The following GRIP1 variants were observed in gnomAD, a reference collection of about 807,000 sequenced individuals.
GRIP1 encodes glutamate receptor interacting protein 1.
GRIP1 carries 45 observed loss-of-function variants against 129.9 expected under a neutral mutation model. The observed-to-expected ratio is 0.35, with a 90% CI of 0.27 to 0.44. The LOEUF (loss-of-function observed/expected upper bound fraction) is 0.44. Among genes scored for constraint, GRIP1 ranks in the 20% least tolerant of loss-of-function variants. GRIP1 has a pLI of 1.00. For missense variants in GRIP1, 1,196 were observed against 1,396.8 expected (o/e 0.86, Z 2.29); for synonymous variants, 530 against 520.8 (o/e 1.02, Z -0.24).
At chr12:66,685,513 T>A (rs1020172647) in intron 1 of GRIP1, among the ~76,000 whole-genome samples, 6 of 152,122 alleles carry the variant, frequency 3.9e-5, no homozygotes, top group African/African-American at 1.4e-4. Flanking sequence ...TTAAAAAGAT[T>A]AATTTTCAAT....
chr12:66,794,932 C>CAATA, intron 1 of GRIP1, among the ~76,000 whole-genome samples: 1 of 152,226 alleles, frequency 6.6e-6, no homozygotes. Flanking sequence ...AATTCTACTT[C>CAATA]AATAATGAAA....
intron 4 of GRIP1, among the ~76,000 whole-genome samples, chr12:66,534,733 GC>G (rs2061557765): frequency 6.6e-6 from 1 of 151,416 alleles, no homozygotes; most frequent in South Asian, 2.1e-4. Context: ...TTGCTCTGTT[GC>G]CCAGGCTGGA....
At chr12:66,399,585 C>T (rs544793600) in intron 16 of GRIP1, among the ~76,000 whole-genome samples, 1 of 152,090 alleles carries the variant, frequency 6.6e-6, no homozygotes, top group Non-Finnish European at 1.5e-5. Context: ...GGCAAGCCTA[C>T]TTGTTTGTTC....
At chr12:66,792,472 G>A (rs1273114818) in intron 1 of GRIP1, among the ~76,000 whole-genome samples, 4 of 152,102 alleles carry the variant, frequency 2.6e-5, no homozygotes, top group Non-Finnish European at 4.4e-5. Flanking sequence ...CACTTTGGGA[G>A]GCCGAGGGGT....
intron 1 of GRIP1, among the ~76,000 whole-genome samples, chr12:66,999,931 T>G (rs1175627009): frequency 6.6e-6 from 1 of 152,164 alleles, no homozygotes; most frequent in African/African-American, 2.4e-5. Flanking sequence ...CACGCTGTTC[T>G]CCTTTCAAAG....
chr12:66,578,638 C>T lies in GRIP1; in HGVS notation c.136+18209G>A, dbSNP rs551455889. Among the ~76,000 whole-genome samples, 7 of 151,820 alleles carry T rather than the reference C, an allele frequency of 4.6e-5. No individual in the cohort carries two copies. The East Asian group carries it at 5.8e-4, about 13-fold the overall frequency. On this transcript the variant is annotated intron_variant, in intron 2 of 24. Transcript: ENST00000359742. Reference sequence around the variant, plus strand: ...CCTGGCTCAGAGGGTCCTATGCCCACGGAGTCTCGCTGATTGCTAGCACAG... The same window carrying T: ...CCTGGCTCAGAGGGTCCTATGCCCATGGAGTCTCGCTGATTGCTAGCACAG...
chr12:66,406,522 C>G, intron 15 of GRIP1, 94 bp from the exon 16 acceptor site: 1 of 1,204,140 alleles, frequency 8.3e-7, no homozygotes, highest in Non-Finnish European at 1.2e-6. Context: ...TTATGGTAGT[C>G]TTTAGAGGAA....
At chr12:66,752,979 C>T (rs1434710937) in intron 1 of GRIP1, among the ~76,000 whole-genome samples, 3 of 152,082 alleles carry the variant, frequency 2.0e-5, no homozygotes, top group Non-Finnish European at 4.4e-5. Flanking sequence ...CAAACGCTAG[C>T]GGAAACTTCT....
At chr12:67,032,645 C>T (rs1281116411) in intron 1 of GRIP1, among the ~76,000 whole-genome samples, 1 of 152,088 alleles carries the variant, frequency 6.6e-6, no homozygotes, top group African/African-American at 2.4e-5. Context: ...TGACTCCTAC[C>T]CACTAAATGC....
rs145464084 is a variant in GRIP1 at position 66,426,360 on chromosome 12, T to G, written c.1769-5571A>C. Reference sequence around the variant, plus strand: ...TTTGTTGTTCTAATTTCTGAACATTTTCCTTAACTTTATTTTCCAATATTT... The same window carrying G: ...TTTGTTGTTCTAATTTCTGAACATTGTCCTTAACTTTATTTTCCAATATTT... On this transcript the variant is annotated intron_variant, in intron 14 of 24. Coordinates refer to ENST00000359742, the MANE Select transcript of GRIP1 (RefSeq NM_001366722.1). Among the ~76,000 whole-genome samples, 3 of 152,310 alleles carry G rather than the reference T, an allele frequency of 2.0e-5. No individual in the cohort carries two copies. The East Asian group carries it at 5.8e-4, about 29-fold the overall frequency.
chr12:66,366,051 G>A (rs1399749127), intron 23 of GRIP1, among the ~76,000 whole-genome samples: 1 of 152,190 alleles, frequency 6.6e-6, no homozygotes, highest in African/African-American at 2.4e-5. Flanking sequence ...TGAAGAAAGA[G>A]AAGCAGATCT....
intron 5 of GRIP1, among the ~76,000 whole-genome samples, chr12:66,529,403 C>T (rs986649451): frequency 3.9e-5 from 6 of 152,170 alleles, no homozygotes; most frequent in African/African-American, 1.4e-4. Context: ...ACCCATCAAT[C>T]AACTAGTGGA....
intron 1 of GRIP1, among the ~76,000 whole-genome samples, chr12:66,960,970 T>C (rs371644438): frequency 2.0e-5 from 3 of 151,798 alleles, no homozygotes; most frequent in Admixed American, 6.6e-5. Context: ...GCCTGAGAAA[T>C]AGAGAAATCT....
At chr12:66,836,627 T>G (rs964371646) in intron 1 of GRIP1, among the ~76,000 whole-genome samples, 7 of 152,288 alleles carry the variant, frequency 4.6e-5, no homozygotes, top group Admixed American at 2.0e-4. Flanking sequence ...TTGTACACAA[T>G]AAAATAATGA....
intron 1 of GRIP1, among the ~76,000 whole-genome samples, chr12:66,915,300 A>G (rs2041102121): frequency 1.3e-5 from 2 of 152,184 alleles, no homozygotes; most frequent in South Asian, 4.1e-4. Flanking sequence ...TGTTTGGTAA[A>G]TGCCTATTAA....
At chr12:66,728,364 G>A (rs1293360318) in intron 1 of GRIP1, among the ~76,000 whole-genome samples, 1 of 152,128 alleles carries the variant, frequency 6.6e-6, no homozygotes, top group African/African-American at 2.4e-5. Context: ...CAATGCCACA[G>A]GCCCAGGATC....
intron 1 of GRIP1, among the ~76,000 whole-genome samples, chr12:66,859,308 A>T (rs76657778): frequency 0.24 from 31,609 of 129,258 alleles, 5,734 homozygotes; most frequent in East Asian, 0.54. Context: ...AACAAAAAAA[A>T]ACCAGTATTA....
chr12:66,707,543 T>G (rs754166391), intron 1 of GRIP1, among the ~76,000 whole-genome samples: 22 of 148,626 alleles, frequency 1.5e-4, no homozygotes, highest in Non-Finnish European at 3.3e-4. Context: ...GGAAAACCTG[T>G]GCTGGGCTAT....
At chr12:66,351,995 G>T (rs1174048976) in intron 24 of GRIP1, among the ~76,000 whole-genome samples, 1 of 152,202 alleles carries the variant, frequency 6.6e-6, no homozygotes, top group African/African-American at 2.4e-5. Flanking sequence ...GGCAGGTAAG[G>T]CCTAGGGATT....
Sources: allele counts gnomAD v4.1 joint callset (sites outside exome capture counted in the v4.1 genomes callset), GRCh38; gene constraint gnomAD v4.1.1; transcripts MANE v1.5; gene names NCBI Gene and HGNC (gene_info 2026-07-23, HGNC 2026-07-21).